Variants in SGIP1 observed in about 807,000 individuals in gnomAD.
SGIP1 encodes the protein SH3-containing GRB2-like protein 3-interacting protein 1.
Under a neutral mutation model 107.5 loss-of-function variants are expected in SGIP1, and 38 were observed. The observed-to-expected ratio is 0.35, with a 90% CI of 0.27 to 0.46. The LOEUF (loss-of-function observed/expected upper bound fraction) is 0.46, where lower values mean the gene tolerates loss of function less well. Ranked by LOEUF, SGIP1 falls within the 20% of genes least tolerant of loss-of-function variation. The pLI, the probability that SGIP1 is intolerant of heterozygous loss-of-function variation, is 1.00. For missense variants in SGIP1, 929 were observed against 1,019.5 expected, an observed-to-expected ratio of 0.91 and a Z score of 1.21; for synonymous variants, 365 against 366.1, an observed-to-expected ratio of 1.00 and a Z score of 0.03.
At chr1:66,616,683 C>T (rs6588209) in intron 1 of SGIP1, among the ~76,000 whole-genome samples, 33,286 of 152,068 alleles carry the variant, frequency 0.22, 4,094 homozygotes, top group East Asian at 0.32. Flanking sequence ...AAAATTCTTC[C>T]CAATTATATT....
At chr1:66,645,222 AG>A (rs1226364598) in intron 7 of SGIP1, among the ~76,000 whole-genome samples, 1 of 152,212 alleles carries the variant, frequency 6.6e-6, no homozygotes, top group Non-Finnish European at 1.5e-5. Flanking sequence ...TTTATGTGAA[AG>A]CAAATGTACC....
chr1:66,623,718 G>T (rs1385932910), intron 1 of SGIP1, among the ~76,000 whole-genome samples: 1 of 152,206 alleles, frequency 6.6e-6, no homozygotes, highest in Non-Finnish European at 1.5e-5. Flanking sequence ...ATTTTGTGAA[G>T]GTGTGCAGAT....
chr1:66,632,083 C>T (rs1440704277), intron 2 of SGIP1, among the ~76,000 whole-genome samples: 1 of 152,126 alleles, frequency 6.6e-6, no homozygotes, highest in Non-Finnish European at 1.5e-5. Flanking sequence ...AGTGAAGAGA[C>T]ATCTTGGAAG....
intron 1 of SGIP1, among the ~76,000 whole-genome samples, chr1:66,590,081 C>A (rs2063375751): frequency 6.6e-6 from 1 of 152,154 alleles, no homozygotes; most frequent in African/African-American, 2.4e-5. Context: ...TCCCCTACAA[C>A]CACCACGTCC....
chr1:66,725,766 G>A (rs1320488617), intron 19 of SGIP1, among the ~76,000 whole-genome samples: 1 of 152,192 alleles, frequency 6.6e-6, no homozygotes, highest in East Asian at 1.9e-4. Flanking sequence ...AGAGTTTTCA[G>A]GCCTGGCATA....
intron 9 of SGIP1, 89 bp downstream of exon 9, chr1:66,667,630 A>G: frequency 8.5e-7 from 1 of 1,174,166 alleles, no homozygotes; most frequent in Non-Finnish European, 1.3e-6. Flanking sequence ...CATTAAATTT[A>G]TGATAACCCA....
chr1:66,692,684 C>T (rs1325265), intron 17 of SGIP1, among the ~76,000 whole-genome samples: 64,632 of 152,044 alleles, frequency 0.43, 14,325 homozygotes, highest in East Asian at 0.72. Context: ...GGTAGCTCAA[C>T]ATTTCCCTCC....
intron 1 of SGIP1, chr1:66,590,337 A>T (rs2063423081): frequency 6.6e-6 from 1 of 152,234 alleles, no homozygotes; most frequent in African/African-American, 2.4e-5. Context: ...TTGATTAAGG[A>T]AGTCCTTTAG....
rs199930386 is a variant in SGIP1 at position 66,739,325 on chromosome 1, G to A, written c.2032-10G>A. 18 of 1,613,372 alleles carry A rather than the reference G, an allele frequency of 1.1e-5. No individual in the cohort carries two copies. Among genetic ancestry groups the A allele is most frequent in the East Asian group, 4.5e-5 (2 of 44,876 alleles). On this transcript the variant is annotated splice_polypyrimidine_tract_variant and intron_variant, in intron 21 of 24. Transcript: ENST00000371037. The stretch of plus-strand genomic sequence containing the variant: ...ATATGTTGTTATTTTCTTTCCTGTC[G>A]TTCGGCAAGGTGTCTGCCCAGGGCA...
intron 20 of SGIP1, among the ~76,000 whole-genome samples, chr1:66,732,538 A>G (rs2094060982): frequency 6.6e-6 from 1 of 152,106 alleles, no homozygotes; most frequent in African/African-American, 2.4e-5. Context: ...CAGGGACAGC[A>G]AAACCACACT....
intron 18 of SGIP1, among the ~76,000 whole-genome samples, chr1:66,707,431 C>A (rs2092603479): frequency 6.6e-6 from 1 of 152,108 alleles, no homozygotes; most frequent in African/African-American, 2.4e-5. Context: ...TCTTTATACT[C>A]TTTGCATTGA....
intron 21 of SGIP1, among the ~76,000 whole-genome samples, chr1:66,734,504 G>A (rs1320704621): frequency 1.4e-5 from 2 of 147,878 alleles, no homozygotes; most frequent in Admixed American, 6.7e-5. Context: ...AGATTTTTTT[G>A]GTTTTTTTTT....
chr1:66,623,867 A>AT lies in SGIP1; in HGVS notation c.11-1973dup, dbSNP rs892890537. ...TGCCTCCTGGATCCTGATTCAGTGC[A>AT]TTTTTTTCACTGGAAAGTGGACAAC... On this transcript the variant is annotated intron_variant, in intron 1 of 24. Transcript: ENST00000371037. Among the ~76,000 whole-genome samples, 20 of 152,238 alleles carry AT rather than the reference A, an allele frequency of 1.3e-4. No homozygotes were observed. In the East Asian group the frequency reaches 2.9e-3, roughly 22 times the overall value.
rs1571001855 is a variant in SGIP1 at position 66,540,029 on chromosome 1, A to C, written c.10+5661A>C. 3.9e-5 allele frequency among the ~76,000 whole-genome samples: 6 copies of C among 152,356 alleles called. No homozygotes were observed. In the South Asian group the frequency reaches 1.2e-3, roughly 32 times the overall value. On this transcript the variant is annotated intron_variant, in intron 1 of 24. Transcript: ENST00000371037. ...ATGTTTATTAATTGAATAAGTGAAC[A>C]AAACTAGATATAAATGGCTCAGATA... is the stretch of plus-strand genomic sequence containing the variant.
At chr1:66,687,879 TAGAATAAACAGCACAG>T (rs2088827692) in intron 15 of SGIP1, among the ~76,000 whole-genome samples, 1 of 152,188 alleles carries the variant, frequency 6.6e-6, no homozygotes, top group South Asian at 2.1e-4. Context: ...TGATTACACA[TAGAATAAACAGCACAG>T]AGAAACACAC....
At chr1:66,550,787 T>G (rs1201560892) in intron 1 of SGIP1, among the ~76,000 whole-genome samples, 2 of 152,176 alleles carry the variant, frequency 1.3e-5, no homozygotes, top group East Asian at 3.9e-4. Context: ...TCAGAGAGTT[T>G]ATGACTGGCT....
intron 1 of SGIP1, among the ~76,000 whole-genome samples, chr1:66,541,604 T>A (rs569257516): frequency 1.2e-4 from 18 of 152,342 alleles, no homozygotes; most frequent in African/African-American, 3.4e-4. Flanking sequence ...TGTTTTTTGG[T>A]GTATACCAAA....
intron 1 of SGIP1, among the ~76,000 whole-genome samples, chr1:66,543,078 C>G (rs2055389813): frequency 6.6e-6 from 1 of 152,182 alleles, no homozygotes; most frequent in African/African-American, 2.4e-5. Flanking sequence ...TCAGAACAGT[C>G]ATCAACTTGA....
chr1:66,742,761 G>T (rs947402512), intron 24 of SGIP1, among the ~76,000 whole-genome samples: 1 of 148,990 alleles, frequency 6.7e-6, no homozygotes, highest in Non-Finnish European at 1.5e-5. Context: ...GAGCCACCGC[G>T]CCCGGCCTAT....
Sources: gnomAD v4.1 joint callset for allele counts (sites outside exome capture counted in the v4.1 genomes callset) on GRCh38, gnomAD v4.1.1 for gene constraint, MANE v1.5 for transcripts, NCBI Gene and HGNC (gene_info 2026-07-23, HGNC 2026-07-21) for gene names.